UTRN: variants seen among roughly 807,000 people sequenced by gnomAD.
The protein encoded by UTRN is utrophin.
Under a neutral mutation model 463.9 loss-of-function variants are expected in UTRN, and 283 were observed. That is an observed-to-expected ratio of 0.61 (90% CI 0.55 to 0.67). UTRN has a LOEUF of 0.67. UTRN is among the 30% of genes least tolerant of loss of function. The probability of loss-of-function intolerance (pLI) is 0.00; values close to 1 mark genes in which losing one functional copy is unlikely to be tolerated. For synonymous variants in UTRN, 1,442 were observed against 1,431.5 expected (o/e 1.01, Z -0.17); for missense variants, 3,922 against 4,084.3 (o/e 0.96, Z 1.08).
chr6:144,823,111 T>A (rs1271454268), intron 66 of UTRN, among the ~76,000 whole-genome samples: 1 of 152,052 alleles, frequency 6.6e-6, no homozygotes, highest in Non-Finnish European at 1.5e-5. Context: ...GATTTTGGGG[T>A]GTAATTCTGA....
At chr6:144,363,216 G>A (rs1403014852) in intron 2 of UTRN, among the ~76,000 whole-genome samples, 1 of 152,100 alleles carries the variant, frequency 6.6e-6, no homozygotes, top group Non-Finnish European at 1.5e-5. Flanking sequence ...TCTTTTCTAT[G>A]TGTTTTCTAG....
At chr6:144,444,235 C>A in intron 13 of UTRN, 46 bp from the exon 14 acceptor site, 1 of 1,437,810 alleles carries the variant, frequency 7.0e-7, no homozygotes, top group South Asian at 1.3e-5. Context: ...TGTGATAACT[C>A]TCTCTTAAGG....
At chr6:144,651,676 G>A (rs1778830418) in intron 51 of UTRN, among the ~76,000 whole-genome samples, 1 of 152,158 alleles carries the variant, frequency 6.6e-6, no homozygotes, top group Non-Finnish European at 1.5e-5. Context: ...TTTTAGTGAG[G>A]AAGTTATGTT....
chr6:144,728,406 T>G (rs889432440), intron 53 of UTRN, among the ~76,000 whole-genome samples: 2 of 152,084 alleles, frequency 1.3e-5, no homozygotes, highest in Admixed American at 6.5e-5. Flanking sequence ...AAATCTTTTT[T>G]TTTCCATTTT....
chr6:144,727,711 G>C (rs1186513151), intron 53 of UTRN, among the ~76,000 whole-genome samples: 2 of 152,126 alleles, frequency 1.3e-5, no homozygotes, highest in Non-Finnish European at 2.9e-5. Context: ...GTTACGGTGA[G>C]CTGAGATCGC....
At chr6:144,441,449 A>C (rs1270330646) in intron 13 of UTRN, among the ~76,000 whole-genome samples, 2 of 152,216 alleles carry the variant, frequency 1.3e-5, no homozygotes, top group African/African-American at 4.8e-5. Context: ...CTTTGACTTC[A>C]TGTTTCACAT....
intron 3 of UTRN, among the ~76,000 whole-genome samples, chr6:144,408,040 C>T (rs1338495857): frequency 1.3e-5 from 2 of 152,148 alleles, no homozygotes. Flanking sequence ...AGCCATAAGA[C>T]GCAATCGATC....
At position 144,302,192 on chromosome 6, in the gene UTRN, T is replaced by C. The variant is rs572511242; in HGVS notation, c.79+10285T>C. On this transcript the variant is annotated intron_variant, in intron 2 of 74. Transcript: ENST00000367545. ...TTTCTGATGCTAGCCTTTAGCTTAG[T>C]CTCCACACACACAGTAAGTGCTTAA... Among the ~76,000 whole-genome samples the C allele has an allele frequency of 2.0e-5, 3 of 152,278 alleles. No homozygotes were observed. The South Asian group carries it at 6.2e-4, about 32-fold the overall frequency.
intron 25 of UTRN, among the ~76,000 whole-genome samples, chr6:144,478,284 G>A (rs2128571959): frequency 6.6e-6 from 1 of 152,222 alleles, no homozygotes; most frequent in East Asian, 1.9e-4. Flanking sequence ...AGGGTGTTTT[G>A]TTGTTGTTAA....
intron 56 of UTRN, among the ~76,000 whole-genome samples, chr6:144,753,478 G>A (rs1200159137): frequency 6.6e-6 from 1 of 151,896 alleles, no homozygotes; most frequent in Admixed American, 6.6e-5. Context: ...AATTACATAT[G>A]TGGTGTGGTG....
At chr6:144,646,230 A>G (rs1778289466) in intron 51 of UTRN, among the ~76,000 whole-genome samples, 1 of 152,184 alleles carries the variant, frequency 6.6e-6, no homozygotes, top group Non-Finnish European at 1.5e-5. Context: ...CACCTTTTTA[A>G]CCTTCATTTA....
At chr6:144,394,653 A>G (rs1028995858) in intron 2 of UTRN, among the ~76,000 whole-genome samples, 2 of 152,194 alleles carry the variant, frequency 1.3e-5, no homozygotes, top group Non-Finnish European at 2.9e-5. Context: ...TATAGAAAAC[A>G]TAGCATTCCT....
chr6:144,754,603 A>G, intron 56 of UTRN, 117 bp from the exon 57 acceptor site: 1 of 921,126 alleles, frequency 1.1e-6, no homozygotes, highest in South Asian at 1.9e-5. Context: ...GGTCTATATA[A>G]ACAATCATAT....
chr6:144,753,390 G>A (rs946566036), intron 56 of UTRN, among the ~76,000 whole-genome samples: 4 of 152,106 alleles, frequency 2.6e-5, no homozygotes. Flanking sequence ...TGAGGTGAGA[G>A]GGTTGCTTGA....
intron 21 of UTRN, among the ~76,000 whole-genome samples, chr6:144,460,790 C>T (rs1789331203): frequency 6.6e-6 from 1 of 152,182 alleles, no homozygotes; most frequent in Non-Finnish European, 1.5e-5. Context: ...ATCTCCTCCA[C>T]TCTGGACCTG....
At chr6:144,623,560 A>G (rs1317820575) in intron 51 of UTRN, among the ~76,000 whole-genome samples, 1 of 152,236 alleles carries the variant, frequency 6.6e-6, no homozygotes, top group Non-Finnish European at 1.5e-5. Context: ...TATGGCACAC[A>G]GAATTTAGTG....
At chr6:144,527,747 T>G (rs1796687971) in intron 41 of UTRN, among the ~76,000 whole-genome samples, 1 of 152,346 alleles carries the variant, frequency 6.6e-6, no homozygotes, top group African/African-American at 2.4e-5. Context: ...GTCTTTGAGC[T>G]CTGAGGTTTC....
At chr6:144,799,345 A>G (rs778650312) in intron 64 of UTRN, 2 of 436,876 alleles carry the variant, frequency 4.6e-6, no homozygotes, top group South Asian at 1.7e-5. Context: ...CCTTGCTGCT[A>G]TGCATTCTAA....
At chr6:144,466,917 A>G (rs1414268951) in intron 23 of UTRN, among the ~76,000 whole-genome samples, 1 of 152,174 alleles carries the variant, frequency 6.6e-6, no homozygotes, top group Admixed American at 6.5e-5. Context: ...TCAGGCTCTC[A>G]TGCAATCTCT....
Sources: allele counts gnomAD v4.1 joint callset (sites outside exome capture counted in the v4.1 genomes callset), GRCh38; gene constraint gnomAD v4.1.1; transcripts MANE v1.5; gene names NCBI Gene and HGNC (gene_info 2026-07-23, HGNC 2026-07-21).